PADI6: variants seen among roughly 807,000 people sequenced by gnomAD.
The protein encoded by PADI6 is inactive protein-arginine deiminase type-6.
In PADI6, 66 loss-of-function variants were observed where a neutral mutation model predicts 78.2. That is an observed-to-expected ratio of 0.84 (90% CI 0.69 to 1.04). PADI6 has a LOEUF of 1.04. Ranked by LOEUF, PADI6 falls within the 50% of genes least tolerant of loss-of-function variation. The pLI, the probability that PADI6 is intolerant of heterozygous loss-of-function variation, is 0.00. For missense variants in PADI6, 854 were observed against 866.1 expected (o/e 0.99, Z 0.18); for synonymous variants, 397 against 346.9 (o/e 1.14, Z -1.60).
At chr1:17,378,573 G>A (rs1320850921) in intron 3 of PADI6, among the ~76,000 whole-genome samples, 1 of 152,128 alleles carries the variant, frequency 6.6e-6, no homozygotes, top group Non-Finnish European at 1.5e-5. Context: ...ACAGTACCTG[G>A]GCAAAAGCCT....
Position 17,394,026 on chromosome 1 carries a change from A to G in PADI6, c.1126A>G (p.Ile376Val), listed in dbSNP as rs768000252. 6.2e-7 allele frequency: 1 copy of G among 1,613,892 alleles called. No homozygotes were observed. The highest frequency in any genetic ancestry group is 1.7e-5 in the Admixed American group (1 of 59,996). The change falls in exon 10 of 16, where the codon ATC becomes GTC. Residue 376 changes from isoleucine to valine, a missense_variant. Ile to Val is a conservative substitution (Grantham distance 29, BLOSUM62 3). Coordinates refer to ENST00000619609, the MANE Select transcript of PADI6 (RefSeq NM_207421.4). ...GGCTCCCCACAAGACAACGTCCTTGATCCTCGACACACCTCAGGCCGCCGA... is the reference window on the plus strand; with the variant it reads ...GGCTCCCCACAAGACAACGTCCTTGGTCCTCGACACACCTCAGGCCGCCGA... ...TQAPHKTTSL[I>V]LDTPQAADLD...
chr1:17,398,649 C>CGGGGGGGGGGGGG, intron 14 of PADI6, 37 bp from the exon 15 acceptor site: 1 of 91,312 alleles, frequency 1.1e-5, no homozygotes, highest in Non-Finnish European at 2.0e-5. Context: ...TCTCCTTGCT[C>CGGGGGGGGGGGGG]CCCCGCCCCC....
chr1:17,382,967 G>A (rs1321412913), intron 6 of PADI6, among the ~76,000 whole-genome samples: 1 of 152,142 alleles, frequency 6.6e-6, no homozygotes, highest in Admixed American at 6.6e-5. Flanking sequence ...TGCTTTTCTT[G>A]TAGAGACGGG....
chr1:17,396,978 A>T (rs1570151348), intron 13 of PADI6, 93 bp from the exon 14 acceptor site: 3 of 985,460 alleles, frequency 3.0e-6, no homozygotes, highest in Non-Finnish European at 4.6e-6. Context: ...CCAGGAATGC[A>T]CCCAGGTGGC....
At chr1:17,383,346 C>CT (rs2075090533) in intron 6 of PADI6, among the ~76,000 whole-genome samples, 1 of 152,306 alleles carries the variant, frequency 6.6e-6, no homozygotes, top group East Asian at 1.9e-4. Flanking sequence ...ACGTGGCCAT[C>CT]TTACACATGA....
chr1:17,372,464 A>G, intron 1 of PADI6, 103 bp downstream of exon 1: 1 of 1,096,428 alleles, frequency 9.1e-7, no homozygotes, highest in African/African-American at 1.5e-5. Flanking sequence ...CTCTAGCCTC[A>G]CTATCCTGCC....
Position 17,389,382 on chromosome 1 carries a change from C to T in PADI6, c.962+502C>T, listed in dbSNP as rs556364779. On this transcript the variant is annotated intron_variant, in intron 8 of 15. Transcript: ENST00000619609. The stretch of plus-strand genomic sequence containing the variant: ...GCCTGCAGGAAGATGGTACTGCTCG[C>T]CCACTGCCACTTAGGGGCCCTGGTT... 2.0e-5 allele frequency among the ~76,000 whole-genome samples: 3 copies of T among 152,250 alleles called. No homozygotes were observed. The East Asian group carries it at 5.8e-4, about 29-fold the overall frequency.
In PADI6 at chr1:17,379,859, T is replaced by C. The variant is rs1007739382; in HGVS notation, c.368-61T>C. Reference sequence around the variant, plus strand: ...GGGCAGCCCCACAGGAGATAACCTATAACTTTGAGGTTCCATCTGGCAGGT... The same window carrying C: ...GGGCAGCCCCACAGGAGATAACCTACAACTTTGAGGTTCCATCTGGCAGGT... On this transcript the variant is annotated intron_variant, in intron 3 of 15. Coordinates refer to ENST00000619609, the MANE Select transcript of PADI6 (RefSeq NM_207421.4). The C allele has an allele frequency of 8.7e-6, 13 of 1,487,728 alleles. 1 individual carries two copies. The African/African-American group carries it at 1.7e-4, about 19-fold the overall frequency. 92.2% of individuals were successfully genotyped at this position (1,487,728 alleles called of 1,614,324 possible).
At position 17,401,374 on chromosome 1, in the gene PADI6, T is replaced by C; in HGVS notation, c.2021T>C (p.Ile674Thr). 6.2e-7 allele frequency: 1 copy of C among 1,614,078 alleles called. No individual in the cohort carries two copies. Among genetic ancestry groups the C allele is most frequent in the Non-Finnish European group, 8.5e-7 (1 of 1,179,904 alleles). Residue 674 changes from isoleucine to threonine, a missense_variant, in exon 16 of 16, where the codon ATC becomes ACC. By Grantham distance (89) the Ile-to-Thr change is moderately conservative. Coordinates refer to ENST00000619609, the MANE Select transcript of PADI6 (RefSeq NM_207421.4). ...FDCYLTEVGDICACANIRRVP... is the reference protein window; with the variant it reads ...FDCYLTEVGDTCACANIRRVP... The stretch of plus-strand genomic sequence containing the variant: ...TGTTACCTGACAGAGGTCGGAGACA[T>C]CTGTGCCTGTGCCAACATCCGCCGG...
intron 6 of PADI6, among the ~76,000 whole-genome samples, chr1:17,382,943 A>G (rs951899550): frequency 6.6e-6 from 1 of 152,166 alleles, no homozygotes; most frequent in African/African-American, 2.4e-5. Flanking sequence ...GGTGTGTGCC[A>G]CAACTGGCTA....
chr1:17,373,306 G>T, intron 2 of PADI6, 73 bp downstream of exon 2: 1 of 1,538,488 alleles, frequency 6.5e-7, no homozygotes, highest in Non-Finnish European at 8.9e-7. Context: ...GCTTCCTCCT[G>T]GCTGCAGACG....
At chr1:17,394,734 A>AT (rs1247972698) in intron 11 of PADI6, among the ~76,000 whole-genome samples, 2 of 152,346 alleles carry the variant, frequency 1.3e-5, no homozygotes, top group African/African-American at 4.8e-5. Context: ...TAAATCCAAA[A>AT]TGATACTTGT....
At chr1:17,392,331 G>A in intron 9 of PADI6, 106 bp downstream of exon 9, 1 of 818,304 alleles carries the variant, frequency 1.2e-6, no homozygotes, top group East Asian at 2.7e-5. Context: ...AAAGACCGAA[G>A]CCTTGATAGG....
intron 8 of PADI6, 136 bp downstream of exon 8, chr1:17,389,016 C>T (rs544977765): frequency 7.4e-6 from 5 of 671,142 alleles, no homozygotes; most frequent in Non-Finnish European, 1.3e-5. Flanking sequence ...TCTGAGCTGT[C>T]TGGACCTGCC....
chr1:17,391,887 T>TCCCAACCTGGCTCTG (rs2075188032), intron 8 of PADI6, among the ~76,000 whole-genome samples: 1 of 152,196 alleles, frequency 6.6e-6, no homozygotes, highest in African/African-American at 2.4e-5. Context: ...CACTGGCACT[T>TCCCAACCTGGCTCTG]CCCAACCTGG....
intron 8 of PADI6, 68 bp from the exon 9 acceptor site, chr1:17,392,046 A>C (rs764059109): frequency 1.3e-5 from 17 of 1,317,212 alleles, no homozygotes; most frequent in Non-Finnish European, 1.8e-5. Context: ...CTCTCTTGGC[A>C]CAAGGAGGTC....
In PADI6 at chr1:17,388,813, G is replaced by C; in HGVS notation, c.895G>C (p.Val299Leu). The C allele has an allele frequency of 1.2e-6, 2 of 1,613,840 alleles. No homozygotes were observed. The highest frequency in any genetic ancestry group is 1.7e-6 in the Non-Finnish European group (2 of 1,179,850). The stretch of plus-strand genomic sequence containing the variant: ...GACTGTGCTGTACAAAGACACGGTG[G>C]TGTTCCGGGTGGCTCCCTGTGTCTT... ...PETVLYKDTV[V>L]FRVAPCVFIP... The change falls in exon 8 of 16, where the codon GTG becomes CTG. Residue 299 changes from valine to leucine, a missense_variant. Physicochemically the swap from Val to Leu is conservative, Grantham distance 32. Coordinates refer to ENST00000619609, the MANE Select transcript of PADI6 (RefSeq NM_207421.4).
intron 6 of PADI6, 63 bp from the exon 7 acceptor site, chr1:17,388,318 C>A: frequency 3.5e-6 from 5 of 1,425,560 alleles, no homozygotes; most frequent in Non-Finnish European, 3.8e-6. Flanking sequence ...GGTACCTTGA[C>A]CATCAAATGT....
Position 17,394,301 on chromosome 1 carries a change from G to A in PADI6, c.1184G>A (p.Ser395Asn), listed in dbSNP as rs751136067. 4 of 1,612,424 alleles carry A rather than the reference G, an allele frequency of 2.5e-6. No homozygotes were observed. The highest frequency in any genetic ancestry group is 4.5e-5 in the East Asian group (2 of 44,842). Residue 395 changes from serine (S) to asparagine (N), a missense_variant and splice_region_variant, in exon 11 of 16, where the codon AGC becomes AAC. Physicochemically the swap from Ser to Asn is conservative, Grantham distance 46. Transcript: ENST00000619609. ...TCCCTGGCTCGGTCTCTCCCCCAGA[G>A]CCCTGGTATTGGCTACATGATCCAG... ...LDEFPMKYSLSPGIGYMIQDT... is the reference protein window; with the variant it reads ...LDEFPMKYSLNPGIGYMIQDT...
Sources: gnomAD v4.1 joint callset for allele counts (sites outside exome capture counted in the v4.1 genomes callset) on GRCh38, gnomAD v4.1.1 for gene constraint, MANE v1.5 for transcripts, NCBI Gene and HGNC (gene_info 2026-07-23, HGNC 2026-07-21) for gene names.